EPC1: variants seen among roughly 807,000 people sequenced by gnomAD.
The protein encoded by EPC1 is enhancer of polycomb homolog 1.
Under a neutral mutation model 98.4 loss-of-function variants are expected in EPC1, and 12 were observed. The ratio of observed to expected loss-of-function variants is 0.12; its 90% CI spans 0.08 to 0.20. The LOEUF is 0.20. Ranked by LOEUF, EPC1 falls within the 10% of genes least tolerant of loss-of-function variation. EPC1 has a pLI of 1.00. For synonymous variants in EPC1, 357 were observed against 363.9 expected (o/e 0.98, Z 0.21); for missense variants, 729 against 990.5 (o/e 0.74, Z 3.54).
chr10:32,364,001 C>CCTTTT (rs770520611), intron 1 of EPC1, among the ~76,000 whole-genome samples: 1,265 of 61,848 alleles, frequency 0.02, 604 homozygotes, highest in East Asian at 0.029. Context: ...ATCATGTTGG[C>CCTTTT]ATTTTTTTTT....
At position 32,305,815 on chromosome 10, in the gene EPC1, A is replaced by G. The variant is rs781267236; in HGVS notation, c.270T>C (p.Tyr90=). 2.8e-5 allele frequency: 45 copies of G among 1,611,174 alleles called. No individual in the cohort carries two copies. The highest frequency in any genetic ancestry group is 3.7e-5 in the Non-Finnish European group (44 of 1,178,946). The change falls in exon 2 of 14, where the codon TAT becomes TAC. Residue 90 remains tyrosine (Y), a synonymous_variant. Transcript: ENST00000319778. ...GCTTTGGCATCTTAAATTCCCCAGG[A>G]TATATAGACTCATAGTAAGCAATAT... ...ESNIAYYESI[Y]PGEFKMPKQL... is the part of the protein sequence containing the mutation.
chr10:32,271,941 T>A (rs545836962), intron 12 of EPC1, 24 bp from the exon 13 acceptor site: 2 of 1,605,300 alleles, frequency 1.2e-6, no homozygotes, highest in Non-Finnish European at 1.7e-6. Context: ...GAAAGAAACA[T>A]CTAAACAATG....
Position 32,317,499 on chromosome 10 carries a change from G to A in EPC1, c.154-11568C>T, listed in dbSNP as rs145147558. ...TCTACTAAAAATAAAAAAATTAGCC[G>A]GGTGTGGTGGCACATGGCTGTAATC... On this transcript the variant is annotated intron_variant, in intron 1 of 13. Coordinates refer to ENST00000319778, the MANE Select transcript of EPC1 (RefSeq NM_001272004.3). 2.3e-3 allele frequency among the ~76,000 whole-genome samples: 352 copies of A among 152,068 alleles called. 1 individual carries two copies. The highest frequency in any genetic ancestry group is 3.3e-3 in the Non-Finnish European group (227 of 67,982).
intron 6 of EPC1, among the ~76,000 whole-genome samples, chr10:32,287,724 C>T (rs775227642): frequency 1.3e-5 from 2 of 152,012 alleles, no homozygotes; most frequent in South Asian, 2.1e-4. Context: ...AAGCAAACTA[C>T]AGAAAACTGT....
At chr10:32,311,357 T>C (rs913791249) in intron 1 of EPC1, among the ~76,000 whole-genome samples, 1 of 151,670 alleles carries the variant, frequency 6.6e-6, no homozygotes, top group African/African-American at 2.4e-5. Context: ...TACTACAAAA[T>C]ATTGCAGAAT....
Position 32,284,844 on chromosome 10 carries a change from G to A in EPC1, c.1598C>T (p.Thr533Ile), listed in dbSNP as rs1358420292. ...SCRWRHFRPR[T>I]PSLHDSDNDE... ...ATTGTCACTGTCATGTAGGGATGGTGTCCGAGGCCTAAAATGCCGCCATCT... is the reference window on the plus strand; with the variant it reads ...ATTGTCACTGTCATGTAGGGATGGTATCCGAGGCCTAAAATGCCGCCATCT... Residue 533 changes from threonine (T) to isoleucine (I), a missense_variant, in exon 10 of 14, where the codon ACA becomes ATA. Transcript: ENST00000319778. The A allele has an allele frequency of 6.2e-7, 1 of 1,614,190 alleles. No individual in the cohort carries two copies.
At chr10:32,359,380 CA>C (rs1371292663) in intron 1 of EPC1, among the ~76,000 whole-genome samples, 1 of 152,086 alleles carries the variant, frequency 6.6e-6, no homozygotes, top group Non-Finnish European at 1.5e-5. Context: ...GGTTTAATAA[CA>C]AATTAACGAG....
At chr10:32,315,811 C>A (rs1264618132) in intron 1 of EPC1, among the ~76,000 whole-genome samples, 4 of 152,230 alleles carry the variant, frequency 2.6e-5, no homozygotes, top group African/African-American at 9.6e-5. Flanking sequence ...TCCCTGCCTG[C>A]ACCTTCATCT....
intron 1 of EPC1, chr10:32,345,104 C>T: frequency 1.0e-6 from 1 of 955,264 alleles, no homozygotes; most frequent in African/African-American, 1.8e-5. Flanking sequence ...AACCAAAAGA[C>T]AAGATTCTGC....
chr10:32,306,017 T>C (rs879047392), intron 1 of EPC1, 86 bp from the exon 2 acceptor site: 1 of 1,223,276 alleles, frequency 8.2e-7, no homozygotes, highest in South Asian at 2.0e-5. Context: ...TTTTGGCTCA[T>C]TTGTTTTTAA....
intron 1 of EPC1, among the ~76,000 whole-genome samples, chr10:32,360,450 C>T (rs1364858625): frequency 6.6e-6 from 1 of 152,080 alleles, no homozygotes; most frequent in Non-Finnish European, 1.5e-5. Flanking sequence ...TGAAAACAGT[C>T]CAGTGATAAG....
chr10:32,279,295 C>T, intron 10 of EPC1, among the ~76,000 whole-genome samples: 1 of 151,324 alleles, frequency 6.6e-6, no homozygotes, highest in East Asian at 1.9e-4. Flanking sequence ...TTGCAGTGAG[C>T]CAAGATCGTG....
chr10:32,363,165 T>C (rs9417978), intron 1 of EPC1, among the ~76,000 whole-genome samples: 79,740 of 151,640 alleles, frequency 0.53, 23,167 homozygotes, highest in East Asian at 0.69. Flanking sequence ...CCTTGACCTC[T>C]GAGGCTCAGG....
At chr10:32,288,913 C>T (rs889450613) in intron 6 of EPC1, among the ~76,000 whole-genome samples, 10 of 152,010 alleles carry the variant, frequency 6.6e-5, no homozygotes, top group African/African-American at 2.4e-4. Context: ...CACGATGAAA[C>T]CCTGTCTCTA....
At chr10:32,345,180 C>G in intron 1 of EPC1, 1 of 984,098 alleles carries the variant, frequency 1.0e-6, no homozygotes, top group Non-Finnish European at 1.2e-6. Flanking sequence ...GGCCATGCTA[C>G]TCTAAAGTTG....
intron 6 of EPC1, 131 bp from the exon 7 acceptor site, chr10:32,287,405 T>G: frequency 2.3e-6 from 2 of 867,566 alleles, no homozygotes; most frequent in South Asian, 1.7e-5. Context: ...CACAACACTC[T>G]ATGTTTGGCC....
intron 1 of EPC1, among the ~76,000 whole-genome samples, chr10:32,373,019 G>A (rs1382467794): frequency 1.3e-5 from 2 of 151,982 alleles, no homozygotes; most frequent in East Asian, 1.9e-4. Flanking sequence ...AGCGAAACTC[G>A]GTTTAAATAA....
chr10:32,284,832 T>G lies in EPC1; in HGVS notation c.1610A>C (p.His537Pro). ...GGAGAGTTCATCATTGTCACTGTCA[T>G]GTAGGGATGGTGTCCGAGGCCTAAA... ...RHFRPRTPSLHDSDNDELSCR... is the reference protein window; with the variant it reads ...RHFRPRTPSLPDSDNDELSCR... Residue 537 changes from histidine (H) to proline (P), a missense_variant, in exon 10 of 14, where the codon CAT becomes CCT. By Grantham distance (77) the His-to-Pro change is moderately conservative. Around this residue, in one of 6 missense-constraint regions of EPC1, gnomAD observed 390 missense variants for 438.6 expected, o/e 0.89. Coordinates refer to ENST00000319778, the MANE Select transcript of EPC1 (RefSeq NM_001272004.3). The G allele has an allele frequency of 1.9e-6, 3 of 1,614,242 alleles. No homozygotes were observed. The highest frequency in any genetic ancestry group is 2.5e-6 in the Non-Finnish European group (3 of 1,180,042).
chr10:32,301,704 G>A (rs191636471), intron 2 of EPC1, among the ~76,000 whole-genome samples: 33 of 152,298 alleles, frequency 2.2e-4, no homozygotes, highest in African/African-American at 7.9e-4. Context: ...AACAAATGAT[G>A]CTGGAACAAC....
Sources: gnomAD v4.1 joint callset for allele counts (sites outside exome capture counted in the v4.1 genomes callset) on GRCh38, gnomAD v4.1.1 for gene constraint, gnomAD v4.1.1 regional missense constraint, MANE v1.5 for transcripts, NCBI Gene and HGNC (gene_info 2026-07-23, HGNC 2026-07-21) for gene names.